Variants in ZNF292 observed in about 807,000 individuals in gnomAD.
ZNF292 encodes the protein 16 zinc-finger domain protein.
ZNF292 carries 26 observed loss-of-function variants against 217.9 expected under a neutral mutation model. The observed-to-expected ratio is 0.12, with a 90% CI of 0.09 to 0.17. The LOEUF (loss-of-function observed/expected upper bound fraction) is 0.17, where lower values mean the gene tolerates loss of function less well. Ranked by LOEUF, ZNF292 falls within the 10% of genes least tolerant of loss-of-function variation. The probability of loss-of-function intolerance (pLI) is 1.00; values close to 1 mark genes in which losing one functional copy is unlikely to be tolerated. For synonymous variants in ZNF292, 1,257 were observed against 1,124.1 expected (o/e 1.12, Z -2.37); for missense variants, 2,904 against 3,175.2 (o/e 0.91, Z 2.05).
intron 4 of ZNF292, among the ~76,000 whole-genome samples, chr6:87,232,089 T>C (rs1320623778): frequency 6.6e-6 from 1 of 152,144 alleles, no homozygotes; most frequent in Non-Finnish European, 1.5e-5. Context: ...GTGCTTACCC[T>C]TTATGCCTTT....
intron 4 of ZNF292, among the ~76,000 whole-genome samples, chr6:87,220,422 T>G (rs138198608): frequency 6.6e-6 from 1 of 152,070 alleles, no homozygotes; most frequent in Non-Finnish European, 1.5e-5. Context: ...AAAATAGAGG[T>G]TCAGAAAGAT....
At position 87,200,114 on chromosome 6, in the gene ZNF292, G is replaced by T. The variant is rs550970563; in HGVS notation, c.169-15789G>T. ...TTGTAGGTCTCTGAAGTTACTAGGG[G>T]TTATATTCTGTATAAGGGGGTTTAC... On this transcript the variant is annotated intron_variant, in intron 1 of 7. Coordinates refer to ENST00000369577, the MANE Select transcript of ZNF292 (RefSeq NM_015021.3). 3.3e-5 allele frequency among the ~76,000 whole-genome samples: 5 copies of T among 152,240 alleles called. No individual in the cohort carries two copies. The East Asian group carries it at 7.7e-4, about 24-fold the overall frequency.
intron 4 of ZNF292, 93 bp downstream of exon 4, chr6:87,218,824 C>G: frequency 7.5e-7 from 1 of 1,328,910 alleles, no homozygotes; most frequent in Non-Finnish European, 1.0e-6. Flanking sequence ...TCAAGATATT[C>G]CAAAGAAGGA....
intron 1 of ZNF292, among the ~76,000 whole-genome samples, chr6:87,189,206 GAAAT>G (rs1562130187): frequency 6.6e-6 from 1 of 151,760 alleles, no homozygotes; most frequent in Non-Finnish European, 1.5e-5. Context: ...CTCCAACTCA[GAAAT>G]AAATAAATAA....
At chr6:87,247,270 A>AATAC (rs1554204882) in intron 7 of ZNF292, among the ~76,000 whole-genome samples, 1 of 149,894 alleles carries the variant, frequency 6.7e-6, no homozygotes, top group African/African-American at 2.5e-5. Context: ...TGCCACCCGC[A>AATAC]ACACACACAC....
Position 87,260,307 on chromosome 6 carries a change from A to G in ZNF292, c.6678A>G (p.Ser2226=), listed in dbSNP as rs1439379211. Residue 2226 remains serine, a synonymous_variant, in exon 8 of 8, where the codon TCA becomes TCG. Coordinates refer to ENST00000369577, the MANE Select transcript of ZNF292 (RefSeq NM_015021.3). ...FPCDQLECKS[S]FTTYLNYVVH... ...GTGACCAGTTAGAGTGTAAATCTTCATTTACTACATATTTGAACTATGTTG... is the reference window on the plus strand; with the variant it reads ...GTGACCAGTTAGAGTGTAAATCTTCGTTTACTACATATTTGAACTATGTTG... The G allele has an allele frequency of 3.1e-6, 5 of 1,613,468 alleles. No homozygotes were observed. The highest frequency in any genetic ancestry group is 1.7e-5 in the Admixed American group (1 of 59,952).
intron 1 of ZNF292, among the ~76,000 whole-genome samples, chr6:87,167,932 G>T (rs1770970325): frequency 6.6e-6 from 1 of 152,168 alleles, no homozygotes. Flanking sequence ...AGGACTCTTA[G>T]TGAAGCTTCT....
chr6:87,261,444 G>A lies in ZNF292; in HGVS notation c.7815G>A (p.Lys2605=). The A allele has an allele frequency of 1.2e-6, 2 of 1,606,722 alleles. No homozygotes were observed. Among genetic ancestry groups the A allele is most frequent in the Non-Finnish European group, 1.7e-6 (2 of 1,176,256 alleles). The change falls in exon 8 of 8, where the codon AAG becomes AAA. Residue 2605 remains lysine (K), a synonymous_variant. Coordinates refer to ENST00000369577, the MANE Select transcript of ZNF292 (RefSeq NM_015021.3). The part of the protein sequence containing the change: ...FLKFLEESAV[K]QKKNTDKDHP... ...AGTTTCTTGAGGAGTCTGCAGTGAA[G>A]CAGAAGAAAAATACTGACAAAGACC...
At chr6:87,238,972 A>G (rs1179815014) in intron 5 of ZNF292, among the ~76,000 whole-genome samples, 2 of 152,364 alleles carry the variant, frequency 1.3e-5, no homozygotes, top group South Asian at 2.1e-4. Flanking sequence ...GACACAGCAC[A>G]TGTTTCAGAG....
intron 1 of ZNF292, among the ~76,000 whole-genome samples, chr6:87,188,281 T>G (rs1405063127): frequency 6.6e-6 from 1 of 152,186 alleles, no homozygotes. Flanking sequence ...TGGAAACAGG[T>G]GTACAAATGG....
intron 5 of ZNF292, 25 bp from the exon 6 acceptor site, chr6:87,243,450 A>G: frequency 2.0e-6 from 3 of 1,521,946 alleles, no homozygotes; most frequent in Non-Finnish European, 2.6e-6. Flanking sequence ...ATTTTGTGGC[A>G]TATTTCTATT....
chr6:87,259,213 C>A lies in ZNF292; in HGVS notation c.5584C>A (p.Leu1862Met). 3 of 1,613,708 alleles carry A rather than the reference C, an allele frequency of 1.9e-6. No homozygotes were observed. The highest frequency in any genetic ancestry group is 1.7e-5 in the Admixed American group (1 of 59,988). ...ATCCACTCCAGCATCCCAATGTGTACTGATAAATACATCAGTGACACTGAC... is the reference window on the plus strand; with the variant it reads ...ATCCACTCCAGCATCCCAATGTGTAATGATAAATACATCAGTGACACTGAC... ...DLSTPASQCV[L>M]INTSVTLTPT... Residue 1862 changes from leucine (L) to methionine (M), a missense_variant, in exon 8 of 8, where the codon CTG (leucine) becomes ATG (methionine). Leu to Met is a conservative substitution (Grantham distance 15). Around this residue, in one of 15 missense-constraint regions of ZNF292, gnomAD observed 622 missense variants for 573.1 expected, o/e 1.09. Coordinates refer to ENST00000369577, the MANE Select transcript of ZNF292 (RefSeq NM_015021.3).
chr6:87,167,845 T>G (rs940675044), intron 1 of ZNF292, among the ~76,000 whole-genome samples: 2 of 152,200 alleles, frequency 1.3e-5, no homozygotes, highest in Non-Finnish European at 2.9e-5. Context: ...AAATGCCACC[T>G]AACTGGCATT....
chr6:87,210,296 A>G lies in ZNF292; in HGVS notation c.169-5607A>G, dbSNP rs60921751. 7.2e-3 allele frequency among the ~76,000 whole-genome samples: 1,090 copies of G among 152,316 alleles called. 12 individuals carry two copies. Among genetic ancestry groups the G allele is most frequent in the African/African-American group, 0.024 (989 of 41,538 alleles). ...TTGTTTGTTACATGTAAACAGATAC[A>G]TAGTTTAATTTGTGGTATCAAAATA... On this transcript the variant is annotated intron_variant, in intron 1 of 7. Transcript: ENST00000369577.
At chr6:87,251,627 T>C (rs1774925722) in intron 7 of ZNF292, among the ~76,000 whole-genome samples, 1 of 152,234 alleles carries the variant, frequency 6.6e-6, no homozygotes, top group African/African-American at 2.4e-5. Flanking sequence ...TTAAATAGAT[T>C]TTTATGGGCA....
intron 4 of ZNF292, among the ~76,000 whole-genome samples, chr6:87,220,453 A>C (rs923758901): frequency 1.3e-5 from 2 of 152,062 alleles, no homozygotes; most frequent in Non-Finnish European, 2.9e-5. Context: ...TTCATACCAC[A>C]TTACCAGTGA....
At chr6:87,206,718 A>G (rs928654533) in intron 1 of ZNF292, among the ~76,000 whole-genome samples, 4 of 152,174 alleles carry the variant, frequency 2.6e-5, no homozygotes, top group Non-Finnish European at 4.4e-5. Flanking sequence ...TTTTATTACA[A>G]TATATGAATT....
At chr6:87,244,664 TA>T (rs1250008969) in intron 6 of ZNF292, among the ~76,000 whole-genome samples, 5 of 152,190 alleles carry the variant, frequency 3.3e-5, no homozygotes, top group Non-Finnish European at 5.9e-5. Flanking sequence ...GGAAAGCCAG[TA>T]AATCAACTGG....
Position 87,155,732 on chromosome 6 carries a change from C to T in ZNF292, c.141C>T (p.Ala47=), listed in dbSNP as rs1452393180. ...GCCGGGTACCGGCCGTGGAAGCGGC[C>T]ACCGACTACTGTCAGCAGCTGTGCC... ...RESRVPAVEA[A]TDYCQQLCQT... Residue 47 remains alanine, a synonymous_variant, in exon 1 of 8, where the codon GCC becomes GCT. Coordinates refer to ENST00000369577, the MANE Select transcript of ZNF292 (RefSeq NM_015021.3). 6.3e-7 allele frequency: 1 copy of T among 1,599,952 alleles called. No homozygotes were observed. Among genetic ancestry groups the T allele is most frequent in the Non-Finnish European group, 8.5e-7 (1 of 1,174,960 alleles).
Sources: gnomAD v4.1 joint callset for allele counts (sites outside exome capture counted in the v4.1 genomes callset) on GRCh38, gnomAD v4.1.1 for gene constraint, gnomAD v4.1.1 regional missense constraint, MANE v1.5 for transcripts, NCBI Gene and HGNC (gene_info 2026-07-23, HGNC 2026-07-21) for gene names.